The following ST8SIA2 variants were observed in gnomAD, a reference collection of about 807,000 sequenced individuals.
The protein encoded by ST8SIA2 is ST8 alpha-N-acetyl-neuraminide alpha-2,8-sialyltransferase 2, also known as alpha-2,8-sialyltransferase 8B.
A neutral mutation model predicts 37.6 loss-of-function variants in ST8SIA2; 22 were observed. The observed-to-expected ratio is 0.58, with a 90% CI of 0.42 to 0.83. The LOEUF is 0.83. ST8SIA2 is among the 40% of genes least tolerant of loss of function. The pLI, the probability that ST8SIA2 is intolerant of heterozygous loss-of-function variation, is 0.00. For missense variants in ST8SIA2, 382 were observed against 484.7 expected (o/e 0.79, Z 1.99); for synonymous variants, 205 against 201.2 (o/e 1.02, Z -0.16).
intron 5 of ST8SIA2, among the ~76,000 whole-genome samples, chr15:92,449,486 T>C (rs1043693051): frequency 6.6e-6 from 1 of 152,232 alleles, no homozygotes; most frequent in Non-Finnish European, 1.5e-5. Context: ...TGCATGTGTC[T>C]TTTGGTAGAA....
At chr15:92,439,869 T>C (rs2049788342) in intron 4 of ST8SIA2, among the ~76,000 whole-genome samples, 1 of 151,138 alleles carries the variant, frequency 6.6e-6, no homozygotes, top group African/African-American at 2.4e-5. Flanking sequence ...GGGTGGGTGT[T>C]AAAGGTGAGT....
intron 1 of ST8SIA2, among the ~76,000 whole-genome samples, chr15:92,413,545 G>A (rs1249308404): frequency 6.6e-6 from 1 of 152,188 alleles, no homozygotes; most frequent in African/African-American, 2.4e-5. Flanking sequence ...CTCCCGGCCA[G>A]TGGGTGGGTA....
intron 1 of ST8SIA2, among the ~76,000 whole-genome samples, chr15:92,397,280 T>A (rs1390678027): frequency 2.0e-5 from 3 of 152,252 alleles, no homozygotes; most frequent in South Asian, 2.1e-4. Flanking sequence ...CTCTTTTTTT[T>A]ATAAAATGAG....
intron 5 of ST8SIA2, among the ~76,000 whole-genome samples, chr15:92,459,272 C>T (rs765855609): frequency 2.0e-5 from 3 of 152,110 alleles, no homozygotes; most frequent in Non-Finnish European, 4.4e-5. Flanking sequence ...AAGTAAACAT[C>T]GGGGTGATGT....
intron 1 of ST8SIA2, among the ~76,000 whole-genome samples, chr15:92,415,572 C>T (rs1026099931): frequency 5.3e-5 from 8 of 151,816 alleles, no homozygotes; most frequent in African/African-American, 1.7e-4. Flanking sequence ...CCCCCCACCC[C>T]GCCCCCACAA....
chr15:92,456,098 G>C (rs1388038442), intron 5 of ST8SIA2, among the ~76,000 whole-genome samples: 3 of 152,256 alleles, frequency 2.0e-5, no homozygotes, highest in Non-Finnish European at 4.4e-5. Flanking sequence ...TGGTCTTGCT[G>C]GACCTCCTGC....
At chr15:92,446,119 G>A (rs976272041) in intron 5 of ST8SIA2, among the ~76,000 whole-genome samples, 2 of 152,148 alleles carry the variant, frequency 1.3e-5, no homozygotes, top group African/African-American at 4.8e-5. Flanking sequence ...ATCTGAGAAG[G>A]GCTCACCTGG....
chr15:92,451,606 C>T (rs944944588), intron 5 of ST8SIA2, among the ~76,000 whole-genome samples: 5 of 152,146 alleles, frequency 3.3e-5, no homozygotes, highest in Non-Finnish European at 5.9e-5. Flanking sequence ...CAGAAAGGCT[C>T]AGAAATACAG....
chr15:92,396,308 C>A (rs1314637678), intron 1 of ST8SIA2, among the ~76,000 whole-genome samples: 1 of 152,162 alleles, frequency 6.6e-6, no homozygotes, highest in Non-Finnish European at 1.5e-5. Flanking sequence ...CACTCTTGCC[C>A]CACCCACGGT....
intron 1 of ST8SIA2, among the ~76,000 whole-genome samples, chr15:92,412,625 CCACCA>C (rs2049557978): frequency 6.6e-6 from 1 of 152,166 alleles, no homozygotes; most frequent in Non-Finnish European, 1.5e-5. Context: ...CTGGTATGCA[CCACCA>C]TTTGCCTCTG....
In ST8SIA2 at chr15:92,467,587, T is replaced by G. The variant is rs2050001709; in HGVS notation, c.*3202T>G. On this transcript the variant is annotated 3_prime_UTR_variant, in exon 6 of 6. Coordinates refer to ENST00000268164, the MANE Select transcript of ST8SIA2 (RefSeq NM_006011.4). ...TTTTTCCTCCTTCTTTCCCAATCCC[T>G]CTCAACCATGTATTTATTTATATAT... 3 of 152,350 alleles carry G rather than the reference T, an allele frequency of 2.0e-5. No homozygotes were observed. Among genetic ancestry groups the G allele is most frequent in the African/African-American group, 7.2e-5 (3 of 41,436 alleles). The allele number at this position is 152,350 out of a possible 1,614,324, so 9.4% of individuals were successfully genotyped here.
rs1192166538 is a variant in ST8SIA2, at chr15:92,394,692, C to G, written c.98+530C>G. Among the ~76,000 whole-genome samples the G allele has an allele frequency of 2.6e-5, 4 of 152,152 alleles. No individual in the cohort carries two copies. The East Asian group carries it at 7.7e-4, about 29-fold the overall frequency. On this transcript the variant is annotated intron_variant, in intron 1 of 5. Coordinates refer to ENST00000268164, the MANE Select transcript of ST8SIA2 (RefSeq NM_006011.4). ...GGAAGCGGAATGTCCCCTGCACACA[C>G]AGACAGGCACACGCGCCTCCCGCCG...
chr15:92,405,891 C>T (rs937611701), intron 1 of ST8SIA2, among the ~76,000 whole-genome samples: 7 of 152,148 alleles, frequency 4.6e-5, no homozygotes, highest in African/African-American at 1.7e-4. Context: ...AAGGTTTTGC[C>T]AAAGCCTAAG....
intron 5 of ST8SIA2, among the ~76,000 whole-genome samples, chr15:92,446,901 T>A (rs1163616454): frequency 6.6e-6 from 1 of 151,914 alleles, no homozygotes; most frequent in Non-Finnish European, 1.5e-5. Flanking sequence ...AAGGAGATGA[T>A]GTTGGTGAGA....
intron 5 of ST8SIA2, among the ~76,000 whole-genome samples, chr15:92,451,395 C>T (rs2049881072): frequency 6.6e-6 from 1 of 152,200 alleles, no homozygotes; most frequent in African/African-American, 2.4e-5. Context: ...TCGGGGAGAA[C>T]AAGCTGAAAG....
chr15:92,443,181 G>A (rs1458522760), intron 4 of ST8SIA2, among the ~76,000 whole-genome samples: 2 of 152,194 alleles, frequency 1.3e-5, no homozygotes, highest in Admixed American at 1.3e-4. Context: ...GTGATCCCTT[G>A]TCTTCATGTC....
intron 1 of ST8SIA2, among the ~76,000 whole-genome samples, chr15:92,412,913 C>T (rs868370792): frequency 6.6e-6 from 1 of 152,230 alleles, no homozygotes; most frequent in South Asian, 2.1e-4. Flanking sequence ...CCACCTCGGC[C>T]TCCCAAAGTG....
At position 92,468,673 on chromosome 15, in the gene ST8SIA2, G is replaced by T. The variant is rs769445903; in HGVS notation, c.*4288G>T. On this transcript the variant is annotated 3_prime_UTR_variant, in exon 6 of 6. Coordinates refer to ENST00000268164, the MANE Select transcript of ST8SIA2 (RefSeq NM_006011.4). The stretch of plus-strand genomic sequence containing the variant: ...ATCTGTATCCATCACAGCACTAGGC[G>T]TGGTGCATAGCACACAGCAGTTGCT... The T allele has an allele frequency of 6.5e-6, 1 of 152,702 alleles. No homozygotes were observed. Among genetic ancestry groups the T allele is most frequent in the African/African-American group, 2.4e-5 (1 of 41,468 alleles). 9.5% of individuals were successfully genotyped at this position (152,702 alleles called of 1,614,324 possible).
intron 2 of ST8SIA2, among the ~76,000 whole-genome samples, chr15:92,431,207 C>A (rs2049713104): frequency 6.6e-6 from 1 of 152,114 alleles, no homozygotes; most frequent in Admixed American, 6.5e-5. Flanking sequence ...GAAGATCCTG[C>A]CCCTGAAGCC....
Sources: gnomAD v4.1 joint callset for allele counts (sites outside exome capture counted in the v4.1 genomes callset) on GRCh38, gnomAD v4.1.1 for gene constraint, MANE v1.5 for transcripts, NCBI Gene and HGNC (gene_info 2026-07-23, HGNC 2026-07-21) for gene names.